The following RHCE variants were observed in gnomAD, a reference collection of about 807,000 sequenced individuals.
RHCE encodes the protein Rh blood group CcEe antigens.
Under a neutral mutation model 43.8 loss-of-function variants are expected in RHCE, and 22 were observed. That is an observed-to-expected ratio of 0.50 (90% CI 0.36 to 0.72). The LOEUF is 0.72. RHCE is among the 30% of genes least tolerant of loss of function. The pLI, the probability that RHCE is intolerant of heterozygous loss-of-function variation, is 0.00. For synonymous variants in RHCE, 156 were observed against 210.7 expected (o/e 0.74, Z 2.25); for missense variants, 385 against 525.4 (o/e 0.73, Z 2.61).
chr1:25,396,728 C>T (rs932441189), intron 3 of RHCE, among the ~76,000 whole-genome samples: 6 of 152,204 alleles, frequency 3.9e-5, no homozygotes, highest in African/African-American at 1.4e-4. Flanking sequence ...CCCCTGTGAT[C>T]CCATCACCTC....
chr1:25,401,669 G>A (rs955833109), intron 3 of RHCE, among the ~76,000 whole-genome samples: 3 of 152,194 alleles, frequency 2.0e-5, no homozygotes, highest in African/African-American at 7.2e-5. Context: ...GATGCTGGCT[G>A]TACAAACTTG....
At chr1:25,367,778 GC>G (rs1176514011) in intron 9 of RHCE, among the ~76,000 whole-genome samples, 1 of 142,860 alleles carries the variant, frequency 7.0e-6, no homozygotes, top group Non-Finnish European at 1.5e-5. Context: ...TTCGAGACCA[GC>G]CTAGGTAATA....
chr1:25,421,416 T>A (rs537626039), upstream of RHCE, among the ~76,000 whole-genome samples: 1 of 152,242 alleles, frequency 6.6e-6, no homozygotes, highest in Non-Finnish European at 1.5e-5. Flanking sequence ...CTAAGCATTT[T>A]AAGGGGGGGT....
chr1:25,404,169 C>CA lies in RHCE; in HGVS notation c.336-1424dup, dbSNP rs3079571. Among the ~76,000 whole-genome samples the CA allele has an allele frequency of 0.018, 1,612 of 90,930 alleles. 83 individuals are homozygous for CA. In the East Asian group the frequency reaches 0.22, roughly 12 times the overall value. 59.7% of individuals were successfully genotyped at this position (90,930 alleles called of 152,430 possible). On this transcript the variant is annotated intron_variant, in intron 2 of 9. Coordinates refer to ENST00000294413, the MANE Select transcript of RHCE (RefSeq NM_020485.8). ...GGCGACAGAGTAAGACTCTGTCTCACAAAAAAAAAAAAAAAAAAAAATTCA... is the reference window on the plus strand; with the variant it reads ...GGCGACAGAGTAAGACTCTGTCTCACAAAAAAAAAAAAAAAAAAAAAATTCA...
chr1:25,380,656 C>T (rs191988790), intron 7 of RHCE, among the ~76,000 whole-genome samples: 1 of 152,312 alleles, frequency 6.6e-6, no homozygotes, highest in East Asian at 1.9e-4. Flanking sequence ...CACATCACAC[C>T]TGTGGCCACT....
chr1:25,390,924 C>T lies in RHCE; in HGVS notation c.635-9G>A, dbSNP rs767724106. On this transcript the variant is annotated splice_polypyrimidine_tract_variant and intron_variant, in intron 4 of 9. Transcript: ENST00000294413. ...CCACAAGAAGAGGGCGCCTGGGGGC[C>T]AGAGAGGGTGGTTGGCCAGAATCAC... 7 of 1,613,988 alleles carry T rather than the reference C, an allele frequency of 4.3e-6. No individual in the cohort carries two copies. The Admixed American group carries it at 1.0e-4, about 23-fold the overall frequency.
In RHCE at chr1:25,399,199, G is replaced by C. The variant is rs1474359948; in HGVS notation, c.486+3397C>G. 5 of 946,052 alleles carry C rather than the reference G, an allele frequency of 5.3e-6. No homozygotes were observed. The African/African-American group carries it at 7.9e-5, about 15-fold the overall frequency. 58.6% of individuals were successfully genotyped at this position (946,052 alleles called of 1,614,324 possible). A position where few individuals can be genotyped will look rare whatever the true frequency, so the allele number is the denominator to read the frequency against. Reference sequence around the variant, plus strand: ...GCTGTTGCCATGCTGTGGAAGCTCTGACCTTTTTGACTTCCTACTTTGAAG... The same window carrying C: ...GCTGTTGCCATGCTGTGGAAGCTCTCACCTTTTTGACTTCCTACTTTGAAG... On this transcript the variant is annotated intron_variant, in intron 3 of 9. Transcript: ENST00000294413.
intron 1 of RHCE, among the ~76,000 whole-genome samples, chr1:25,412,732 A>AT (rs1647130169): frequency 2.0e-5 from 3 of 149,784 alleles, no homozygotes; most frequent in African/African-American, 7.4e-5. Context: ...AAAAAAAAAA[A>AT]AAAAAAAAAA....
intron 1 of RHCE, among the ~76,000 whole-genome samples, chr1:25,411,716 T>G (rs1242372501): frequency 6.6e-6 from 1 of 152,110 alleles, no homozygotes; most frequent in African/African-American, 2.4e-5. Context: ...AGGGGACATT[T>G]TCTACAGGGG....
intron 7 of RHCE, among the ~76,000 whole-genome samples, chr1:25,380,596 G>A (rs1473266984): frequency 6.6e-6 from 1 of 152,176 alleles, no homozygotes; most frequent in Non-Finnish European, 1.5e-5. Context: ...CTGCACACCT[G>A]CAAAATTAGT....
At chr1:25,411,010 T>G (rs1385932556) in intron 1 of RHCE, among the ~76,000 whole-genome samples, 3 of 151,962 alleles carry the variant, frequency 2.0e-5, no homozygotes, top group Admixed American at 6.5e-5. Flanking sequence ...GAGAATCGCT[T>G]GAACCCAGGA....
At chr1:25,420,894 C>T (rs1417058435), upstream of RHCE, 13 of 1,552,510 alleles carry the variant, frequency 8.4e-6, no homozygotes, top group Non-Finnish European at 8.7e-6. Context: ...CCGCCAAAGG[C>T]CTTATCTCAG....
intron 6 of RHCE, 133 bp downstream of exon 6, chr1:25,388,843 A>C: frequency 1.4e-6 from 2 of 1,437,296 alleles, no homozygotes; most frequent in Non-Finnish European, 1.9e-6. Context: ...ATCCCTCGCT[A>C]GGCGTTGAAG....
chr1:25,418,081 T>C (rs1356278637), intron 1 of RHCE, among the ~76,000 whole-genome samples: 1 of 152,216 alleles, frequency 6.6e-6, no homozygotes, highest in African/African-American at 2.4e-5. Context: ...CAGGCTGGAG[T>C]GCAGTGGCGT....
intron 5 of RHCE, among the ~76,000 whole-genome samples, chr1:25,390,479 G>C (rs561785530): frequency 6.6e-6 from 1 of 152,168 alleles, no homozygotes; most frequent in Non-Finnish European, 1.5e-5. Flanking sequence ...TAGCAGAAAC[G>C]GGGTTCAAAC....
At chr1:25,379,481 ATATATATATATATATTTTTTTTTT>A (rs1434549523) in intron 7 of RHCE, among the ~76,000 whole-genome samples, 543 of 17,692 alleles carry the variant, frequency 0.031, 1 homozygote, top group African/African-American at 0.044. Flanking sequence ...ATATATATAT[ATATATATATATATATTTTTTTTTT>A]TTTTTTTTTT....
upstream of RHCE, among the ~76,000 whole-genome samples, chr1:25,425,446 C>T (rs1207771983): frequency 6.6e-6 from 1 of 152,180 alleles, no homozygotes; most frequent in Non-Finnish European, 1.5e-5. Context: ...TGGGACCTAA[C>T]CCAGATCCAT....
chr1:25,397,628 C>T (rs1273760469), intron 3 of RHCE, among the ~76,000 whole-genome samples: 6 of 152,180 alleles, frequency 3.9e-5, no homozygotes, highest in Non-Finnish European at 7.3e-5. Flanking sequence ...AGCCTCCTGG[C>T]CGCCCCTTGG....
chr1:25,373,302 AGT>A (rs1645670901), intron 8 of RHCE, among the ~76,000 whole-genome samples: 1 of 151,746 alleles, frequency 6.6e-6, no homozygotes, highest in Non-Finnish European at 1.5e-5. Flanking sequence ...AACAGTGAAT[AGT>A]GTGAGTCCCA....
Sources: allele counts gnomAD v4.1 joint callset (sites outside exome capture counted in the v4.1 genomes callset), GRCh38; gene constraint gnomAD v4.1.1; transcripts MANE v1.5; gene names NCBI Gene and HGNC (gene_info 2026-07-23, HGNC 2026-07-21).